ANKIB1: variants seen among roughly 807,000 people sequenced by gnomAD.
ANKIB1 encodes the protein ankyrin repeat and IBR domain containing 1.
A neutral mutation model predicts 122.1 loss-of-function variants in ANKIB1; 43 were observed. The observed-to-expected ratio is 0.35, with a 90% CI of 0.28 to 0.45. The LOEUF is 0.45. Ranked by LOEUF, ANKIB1 falls within the 20% of genes least tolerant of loss-of-function variation. The pLI is 1.00. For synonymous variants in ANKIB1, 390 were observed against 442.0 expected, an observed-to-expected ratio of 0.88 and a Z score of 1.48; for missense variants, 992 against 1,329.5, an observed-to-expected ratio of 0.75 and a Z score of 3.95.
chr7:92,354,225 T>C (rs1011756812), intron 9 of ANKIB1, among the ~76,000 whole-genome samples: 12 of 152,200 alleles, frequency 7.9e-5, no homozygotes, highest in African/African-American at 2.9e-4. Flanking sequence ...ACATAGATGA[T>C]GCTATAAACT....
At chr7:92,395,185 G>A (rs545351542) in intron 17 of ANKIB1, among the ~76,000 whole-genome samples, 1 of 152,240 alleles carries the variant, frequency 6.6e-6, no homozygotes, top group Admixed American at 6.5e-5. Context: ...GATGGTCCCA[G>A]GTTGTACCCT....
chr7:92,332,614 A>G (rs1302850618), intron 5 of ANKIB1, among the ~76,000 whole-genome samples: 3 of 152,202 alleles, frequency 2.0e-5, no homozygotes, highest in African/African-American at 7.2e-5. Context: ...TATAATTTAC[A>G]AAATATGTGA....
At position 92,396,386 on chromosome 7, in the gene ANKIB1, C is replaced by T. The variant is rs547575488; in HGVS notation, c.2305C>T (p.Arg769Trp). 2 of 1,587,306 alleles carry T rather than the reference C, an allele frequency of 1.3e-6. No individual in the cohort carries two copies. Among genetic ancestry groups the T allele is most frequent in the African/African-American group, 1.3e-5 (1 of 74,540 alleles). The stretch of plus-strand genomic sequence containing the variant: ...GCAGGAATATGCTGAATTTCAGTAT[C>T]GGAGGAGGCACAGACAACGTCGTCG... ...SPEEYAEFQYRRRHRQRRRGD... is the reference protein window; with the variant it reads ...SPEEYAEFQYWRRHRQRRRGD... The change falls in exon 18 of 20, where the codon CGG (arginine) becomes TGG (tryptophan). Residue 769 changes from arginine (R) to tryptophan (W), a missense_variant. Around this residue, in one of 4 missense-constraint regions of ANKIB1, gnomAD observed 384 missense variants for 412.0 expected, o/e 0.93. Coordinates refer to ENST00000265742, the MANE Select transcript of ANKIB1 (RefSeq NM_019004.2).
intron 2 of ANKIB1, among the ~76,000 whole-genome samples, chr7:92,295,448 G>A (rs563843605): frequency 1.1e-4 from 16 of 152,118 alleles, no homozygotes; most frequent in African/African-American, 3.4e-4. Context: ...TGGTTCATGT[G>A]TTCTTGTTGC....
intron 2 of ANKIB1, among the ~76,000 whole-genome samples, chr7:92,295,936 G>A (rs1465639668): frequency 6.6e-6 from 1 of 152,076 alleles, no homozygotes; most frequent in African/African-American, 2.4e-5. Flanking sequence ...GATTATGCAG[G>A]TATAGGAGTC....
intron 4 of ANKIB1, 199 bp downstream of exon 4, chr7:92,319,711 TGGGA>T: frequency 7.3e-6 from 4 of 547,722 alleles, no homozygotes; most frequent in Non-Finnish European, 1.2e-5. Context: ...TCCAGTGCTT[TGGGA>T]GGCCAAGGCA....
intron 11 of ANKIB1, among the ~76,000 whole-genome samples, chr7:92,372,888 A>AT (rs1047140416): frequency 9.3e-5 from 14 of 151,248 alleles, no homozygotes; most frequent in Admixed American, 1.3e-4. Flanking sequence ...AGGAAAGTGT[A>AT]TTTTTTTTTC....
chr7:92,250,052 A>C (rs1047197858), intron 1 of ANKIB1, among the ~76,000 whole-genome samples: 1 of 152,156 alleles, frequency 6.6e-6, no homozygotes, highest in African/African-American at 2.4e-5. Context: ...ATTGCTTTGA[A>C]TAGAAAAATC....
intron 11 of ANKIB1, among the ~76,000 whole-genome samples, chr7:92,379,454 A>C (rs1804462111): frequency 6.6e-6 from 1 of 152,208 alleles, no homozygotes; most frequent in East Asian, 1.9e-4. Context: ...GAAGTCTGAA[A>C]AGGAGCAGTG....
intron 1 of ANKIB1, among the ~76,000 whole-genome samples, chr7:92,293,560 G>A (rs1014147161): frequency 1.7e-4 from 26 of 152,126 alleles, no homozygotes; most frequent in African/African-American, 4.6e-4. Flanking sequence ...AAAGACTGTT[G>A]TATTCTCTGC....
intron 1 of ANKIB1, among the ~76,000 whole-genome samples, chr7:92,257,216 G>GA (rs370261702): frequency 6.6e-6 from 1 of 150,992 alleles, no homozygotes; most frequent in Non-Finnish European, 1.5e-5. Flanking sequence ...GAGAAAAAAA[G>GA]AAAAAAAAGA....
intron 1 of ANKIB1, among the ~76,000 whole-genome samples, chr7:92,264,455 T>G (rs920876005): frequency 6.6e-6 from 1 of 152,144 alleles, no homozygotes; most frequent in African/African-American, 2.4e-5. Flanking sequence ...TGGAGTGCAG[T>G]GGCGTGTTGT....
chr7:92,298,188 A>G (rs560212816), intron 2 of ANKIB1, among the ~76,000 whole-genome samples: 9 of 152,188 alleles, frequency 5.9e-5, no homozygotes, highest in South Asian at 2.1e-4. Flanking sequence ...TTTGTTCTCA[A>G]TAGATTGTGG....
intron 2 of ANKIB1, among the ~76,000 whole-genome samples, chr7:92,296,540 A>G (rs529901533): frequency 6.6e-5 from 10 of 152,208 alleles, no homozygotes; most frequent in Middle Eastern, 3.4e-3. Context: ...TGCCACATCT[A>G]TCTACTTAGA....
chr7:92,343,254 A>G lies in ANKIB1; in HGVS notation c.996+22A>G, dbSNP rs1803471916. The G allele has an allele frequency of 2.5e-6, 4 of 1,587,820 alleles. No individual in the cohort carries two copies. The African/African-American group carries it at 5.4e-5, about 21-fold the overall frequency. ...TTTGGTATGGTTTGGTATTCACTGT[A>G]CTTCTCATAGCTTTGTTTATAGTCT... On this transcript the variant is annotated intron_variant, in intron 6 of 19. Transcript: ENST00000265742.
chr7:92,372,710 G>T (rs1804298334), intron 11 of ANKIB1, among the ~76,000 whole-genome samples: 1 of 152,088 alleles, frequency 6.6e-6, no homozygotes, highest in Admixed American at 6.6e-5. Flanking sequence ...AAACAGCAGT[G>T]TGTTTAAAAC....
Position 92,317,693 on chromosome 7 carries a change from C to T in ANKIB1, c.487-1637C>T, listed in dbSNP as rs192498410. 1.3e-3 allele frequency among the ~76,000 whole-genome samples: 196 copies of T among 152,286 alleles called. 2 individuals carry two copies. The highest frequency in any genetic ancestry group is 6.8e-3 in the Middle Eastern group (2 of 294). On this transcript the variant is annotated intron_variant, in intron 3 of 19. Transcript: ENST00000265742. ...GTTAGCCCATGGCTTCCAGATCTGG[C>T]ATTGATATAAGCCCGTTGTTTTGTA...
Position 92,311,581 on chromosome 7 carries a change from A to G in ANKIB1, c.486+3925A>G, listed in dbSNP as rs542939131. Among the ~76,000 whole-genome samples the G allele has an allele frequency of 8.5e-5, 13 of 152,242 alleles. No individual in the cohort carries two copies. In the South Asian group the frequency reaches 2.5e-3, roughly 29 times the overall value. ...TTCTCTCTGGTATATTTATTTAAGG[A>G]TAGAGTTGATGAAGTCATCATTGGC... On this transcript the variant is annotated intron_variant, in intron 3 of 19. Coordinates refer to ENST00000265742, the MANE Select transcript of ANKIB1 (RefSeq NM_019004.2).
Position 92,246,065 on chromosome 7 carries a change from T to G in ANKIB1, c.-545T>G, listed in dbSNP as rs1800950114. 1 of 279,102 alleles carries G rather than the reference T, an allele frequency of 3.6e-6. No individual in the cohort carries two copies. Among genetic ancestry groups the G allele is most frequent in the Admixed American group, 6.1e-5 (1 of 16,280 alleles). The allele number at this position is 279,102 out of a possible 1,614,324, so 17.3% of individuals were successfully genotyped here. A position where few individuals can be genotyped will look rare whatever the true frequency, so the allele number is the denominator to read the frequency against. On this transcript the variant is annotated 5_prime_UTR_variant, in exon 1 of 20. Coordinates refer to ENST00000265742, the MANE Select transcript of ANKIB1 (RefSeq NM_019004.2). ...GTGGCAGGCGACTAGGAGACTAGGG[T>G]GGTGGCGGTGGGGGTGCCAGCGGCT...
Sources: gnomAD v4.1 joint callset for allele counts (sites outside exome capture counted in the v4.1 genomes callset) on GRCh38, gnomAD v4.1.1 for gene constraint, gnomAD v4.1.1 regional missense constraint, MANE v1.5 for transcripts, NCBI Gene and HGNC (gene_info 2026-07-23, HGNC 2026-07-21) for gene names.